SMIM42: variants seen among roughly 807,000 people sequenced by gnomAD.
SMIM42 encodes the protein small integral membrane protein 42.
chr1:158,128,219 C>T (rs1389247307), exon 1 of SMIM42, among the ~76,000 whole-genome samples: 1 of 152,134 alleles, frequency 6.6e-6, no homozygotes, highest in Admixed American at 6.6e-5. Context: ...TCACATGGGG[C>T]TATTCTCCTT....
Position 158,127,914 on chromosome 1 carries a change from CT to C in SMIM42, c.160del (p.Ser54AlafsTer30), listed in dbSNP as rs1662853380. Among the ~76,000 whole-genome samples, 1 of 152,018 alleles carries C rather than the reference CT, an allele frequency of 6.6e-6. No homozygotes were observed. Among genetic ancestry groups the C allele is most frequent in the Non-Finnish European group, 1.5e-5 (1 of 67,992 alleles). ...TGGGTGTGTCTCTCTGTTCTTGTTG[CT>C]TTTGTCTTTGGTTACTTTCCAGACC... On this transcript the variant is annotated frameshift_variant, in exon 1 of 1. Transcript: ENST00000672824. LOFTEE classifies it low-confidence loss of function (END_TRUNC).
At chr1:158,128,257 T>A (rs4657389) in exon 1 of SMIM42, among the ~76,000 whole-genome samples, 55 of 152,052 alleles carry the variant, frequency 3.6e-4, no homozygotes, top group African/African-American at 1.2e-3. Context: ...GCATAGACGT[T>A]TGCTCAGCAA....
exon 1 of SMIM42, among the ~76,000 whole-genome samples, chr1:158,127,660 C>T (rs543600237): frequency 1.5e-4 from 23 of 150,086 alleles, no homozygotes; most frequent in Middle Eastern, 3.6e-3. Flanking sequence ...GCCAAAGAAC[C>T]GCAGGAGGAG....
exon 1 of SMIM42, among the ~76,000 whole-genome samples, chr1:158,127,601 C>CAA (rs145650991): frequency 1.5e-4 from 18 of 116,266 alleles, no homozygotes; most frequent in Non-Finnish European, 1.8e-4. Flanking sequence ...TGAAGATCCA[C>CAA]AAAAAAAAAA....
chr1:158,127,622 A>AAAAAAAAG (rs1558030292), exon 1 of SMIM42, among the ~76,000 whole-genome samples: 1 of 144,360 alleles, frequency 6.9e-6, no homozygotes, highest in Non-Finnish European at 1.5e-5. Flanking sequence ...AAAAAAAAAA[A>AAAAAAAAG]GACATTCAAA....
exon 1 of SMIM42, among the ~76,000 whole-genome samples, chr1:158,127,714 G>C (rs144591493): frequency 6.6e-6 from 1 of 152,052 alleles, no homozygotes; most frequent in Non-Finnish European, 1.5e-5. Context: ...AATGAGGCCT[G>C]GGGGGACATC....
At chr1:158,127,408 C>T (rs945981890) in exon 1 of SMIM42, among the ~76,000 whole-genome samples, 2 of 152,046 alleles carry the variant, frequency 1.3e-5, no homozygotes, top group African/African-American at 4.8e-5. Flanking sequence ...AATGAGCTTC[C>T]AGAATAGCTT....
exon 1 of SMIM42, among the ~76,000 whole-genome samples, chr1:158,128,278 C>T (rs996038434): frequency 2.6e-5 from 4 of 152,204 alleles, no homozygotes; most frequent in African/African-American, 9.6e-5. Flanking sequence ...GGCCAAACAA[C>T]TGCTTCCAAT....
At chr1:158,127,622 A>G (rs4657358) in exon 1 of SMIM42, among the ~76,000 whole-genome samples, 93,122 of 144,210 alleles carry the variant, frequency 0.65, 30,200 homozygotes, top group Admixed American at 0.71. Flanking sequence ...AAAAAAAAAA[A>G]GACATTCAAA....
chr1:158,127,922 T>C (rs1214659683), exon 1 of SMIM42, among the ~76,000 whole-genome samples: 1 of 152,130 alleles, frequency 6.6e-6, no homozygotes, highest in Non-Finnish European at 1.5e-5. Context: ...TGCTTTTGTC[T>C]TTGGTTACTT....
exon 1 of SMIM42, among the ~76,000 whole-genome samples, chr1:158,128,103 CGT>C (rs1233114258): frequency 6.6e-6 from 1 of 152,082 alleles, no homozygotes; most frequent in African/African-American, 2.4e-5. Flanking sequence ...GAGATAGGTA[CGT>C]GGTGCAAGCC....
chr1:158,127,650 G>A (rs1484573468), exon 1 of SMIM42, among the ~76,000 whole-genome samples: 1 of 148,242 alleles, frequency 6.7e-6, no homozygotes, highest in African/African-American at 2.5e-5. Context: ...GCTGGGACAA[G>A]CCAAAGAACC....
At chr1:158,128,021 A>C (rs1662854144) in exon 1 of SMIM42, among the ~76,000 whole-genome samples, 1 of 152,164 alleles carries the variant, frequency 6.6e-6, no homozygotes. Context: ...TAGATATGGC[A>C]GTGGTGAGTG....
exon 1 of SMIM42, among the ~76,000 whole-genome samples, chr1:158,128,293 A>AC (rs1558030474): frequency 6.6e-6 from 1 of 152,174 alleles, no homozygotes; most frequent in East Asian, 1.9e-4. Context: ...TCCAATACAA[A>AC]CACAGATGAT....
exon 1 of SMIM42, among the ~76,000 whole-genome samples, chr1:158,127,626 A>G (rs1031669031): frequency 7.2e-6 from 1 of 138,134 alleles, no homozygotes; most frequent in Admixed American, 7.4e-5. Flanking sequence ...AAAAAAAGAC[A>G]TTCAAACTCA....
chr1:158,127,957 C>T (rs1408379401), exon 1 of SMIM42, among the ~76,000 whole-genome samples: 1 of 151,942 alleles, frequency 6.6e-6, no homozygotes, highest in African/African-American at 2.4e-5. Context: ...AGTAGAGTGA[C>T]CAGAGTCATC....
At chr1:158,127,601 C>CA (rs145650991) in exon 1 of SMIM42, among the ~76,000 whole-genome samples, 3,084 of 116,168 alleles carry the variant, frequency 0.027, 33 homozygotes, top group Non-Finnish European at 0.036. Context: ...TGAAGATCCA[C>CA]AAAAAAAAAA....
chr1:158,127,601 C>CAAAA (rs145650991), exon 1 of SMIM42, among the ~76,000 whole-genome samples: 4 of 116,298 alleles, frequency 3.4e-5, no homozygotes, highest in Non-Finnish European at 5.3e-5. Flanking sequence ...TGAAGATCCA[C>CAAAA]AAAAAAAAAA....
exon 1 of SMIM42, among the ~76,000 whole-genome samples, chr1:158,127,601 C>CAAA (rs145650991): frequency 1.5e-4 from 17 of 116,204 alleles, no homozygotes; most frequent in Non-Finnish European, 1.9e-4. Flanking sequence ...TGAAGATCCA[C>CAAA]AAAAAAAAAA....
Sources: gnomAD v4.1 joint callset for allele counts (sites outside exome capture counted in the v4.1 genomes callset) on GRCh38, gnomAD v4.1.1 for gene constraint, MANE v1.5 for transcripts, NCBI Gene and HGNC (gene_info 2026-07-23, HGNC 2026-07-21) for gene names.